ERC2: variants seen among roughly 807,000 people sequenced by gnomAD.
The protein encoded by ERC2 is ERC protein 2.
Under a neutral mutation model 114.8 loss-of-function variants are expected in ERC2, and 42 were observed. That is an observed-to-expected ratio of 0.37 (90% CI 0.29 to 0.47). The LOEUF (loss-of-function observed/expected upper bound fraction) is 0.47. Among genes scored for constraint, ERC2 ranks in the 20% least tolerant of loss-of-function variants. The pLI, the probability that ERC2 is intolerant of heterozygous loss-of-function variation, is 0.99. For missense variants in ERC2, 939 were observed against 1,150.7 expected, an observed-to-expected ratio of 0.82 and a Z score of 2.66; for synonymous variants, 454 against 425.5, an observed-to-expected ratio of 1.07 and a Z score of -0.82.
chr3:55,802,230 TCA>T (rs2071120032), intron 14 of ERC2, among the ~76,000 whole-genome samples: 2 of 152,250 alleles, frequency 1.3e-5, no homozygotes, highest in African/African-American at 2.4e-5. Context: ...ACTGCCTGTA[TCA>T]CATTTAATTA....
At chr3:55,713,313 C>A (rs2063891897) in intron 15 of ERC2, among the ~76,000 whole-genome samples, 1 of 152,062 alleles carries the variant, frequency 6.6e-6, no homozygotes, top group East Asian at 1.9e-4. Context: ...CAGGTTCAAG[C>A]AATTCTCCTG....
intron 14 of ERC2, among the ~76,000 whole-genome samples, chr3:55,849,855 C>A (rs2149237873): frequency 6.6e-6 from 1 of 152,246 alleles, no homozygotes; most frequent in East Asian, 1.9e-4. Flanking sequence ...TTAAAAACAA[C>A]AACAATAATA....
chr3:56,142,536 A>G (rs2080916158), intron 5 of ERC2, among the ~76,000 whole-genome samples: 1 of 152,030 alleles, frequency 6.6e-6, no homozygotes, highest in African/African-American at 2.4e-5. Context: ...GGATGTTTAT[A>G]CTAATTTTCA....
intron 14 of ERC2, among the ~76,000 whole-genome samples, chr3:55,856,440 C>T (rs1331832323): frequency 3.3e-5 from 5 of 152,098 alleles, no homozygotes; most frequent in African/African-American, 7.2e-5. Context: ...TTCTGAGCAC[C>T]GGAGATATAG....
At chr3:55,710,396 T>C (rs2063718900) in intron 15 of ERC2, among the ~76,000 whole-genome samples, 1 of 152,162 alleles carries the variant, frequency 6.6e-6, no homozygotes, top group South Asian at 2.1e-4. Flanking sequence ...TGTGAATCTG[T>C]GTGTGAATCT....
rs185508164 is a variant in ERC2 at position 56,341,143 on chromosome 3, C to T, written c.658-44708G>A. ...AATTAAAACAGATTTGCAATTAATA[C>T]TTAATGTGACAGGTCATGGTTATTT... On this transcript the variant is annotated intron_variant, in intron 2 of 17. Transcript: ENST00000288221. 1.3e-3 allele frequency among the ~76,000 whole-genome samples: 202 copies of T among 152,272 alleles called. 1 individual carries two copies. Among genetic ancestry groups the T allele is most frequent in the African/African-American group, 4.4e-3 (184 of 41,540 alleles).
intron 14 of ERC2, among the ~76,000 whole-genome samples, chr3:55,762,582 G>A (rs1261410643): frequency 6.6e-6 from 1 of 152,088 alleles, no homozygotes; most frequent in Non-Finnish European, 1.5e-5. Context: ...TTGTAAGCTA[G>A]TTAGTTGGGT....
chr3:55,857,257 T>C (rs1055962107), intron 14 of ERC2, among the ~76,000 whole-genome samples: 2 of 152,142 alleles, frequency 1.3e-5, no homozygotes, highest in Non-Finnish European at 2.9e-5. Flanking sequence ...ATTTAGCTAA[T>C]GTGGTCAGAA....
At chr3:55,881,793 A>T (rs2149306057) in intron 14 of ERC2, among the ~76,000 whole-genome samples, 1 of 152,334 alleles carries the variant, frequency 6.6e-6, no homozygotes, top group Admixed American at 6.5e-5. Flanking sequence ...TTCCTTTAAA[A>T]TAGGAGTAAA....
chr3:55,608,898 G>A (rs1285360412), intron 17 of ERC2, among the ~76,000 whole-genome samples: 1 of 152,186 alleles, frequency 6.6e-6, no homozygotes, highest in Non-Finnish European at 1.5e-5. Flanking sequence ...TGGACTAGCA[G>A]GGTGGGTTGT....
At chr3:56,436,236 C>T (rs147321742) in intron 1 of ERC2, among the ~76,000 whole-genome samples, 117 of 152,212 alleles carry the variant, frequency 7.7e-4, no homozygotes, top group African/African-American at 2.5e-3. Context: ...GCTGAGTAAC[C>T]TTAGACAAAT....
chr3:55,610,506 A>AACACACACACACACACACACACACAC (rs1162337654), intron 17 of ERC2: 1 of 137,238 alleles, frequency 7.3e-6, no homozygotes, highest in Non-Finnish European at 1.5e-5. Flanking sequence ...TCTACGGAAA[A>AACACACACACACACACACACACACAC]ACACACACAC....
chr3:55,635,176 C>A (rs1361489527), intron 17 of ERC2, among the ~76,000 whole-genome samples: 1 of 152,076 alleles, frequency 6.6e-6, no homozygotes, highest in Non-Finnish European at 1.5e-5. Context: ...AGCCACCGTG[C>A]CCGGCCTATT....
chr3:56,202,500 G>GATTT (rs1240913539), intron 3 of ERC2, among the ~76,000 whole-genome samples: 1 of 86,466 alleles, frequency 1.2e-5, no homozygotes, highest in African/African-American at 3.7e-5. Context: ...CTAAACTCAA[G>GATTT]CTTTTTTTTT....
At chr3:56,311,819 ATGTGTGTGTGTGTGTG>A (rs10536094) in intron 2 of ERC2, among the ~76,000 whole-genome samples, 17 of 142,962 alleles carry the variant, frequency 1.2e-4, no homozygotes, top group Admixed American at 1.1e-3. Context: ...ATACATATAA[ATGTGTGTGTGTGTGTG>A]TGTGTGTGTG....
At chr3:56,221,538 C>T (rs1011154560) in intron 3 of ERC2, among the ~76,000 whole-genome samples, 4 of 152,162 alleles carry the variant, frequency 2.6e-5, no homozygotes, top group African/African-American at 9.7e-5. Flanking sequence ...AGGTTATGAA[C>T]TTGCCCAAAG....
At chr3:55,958,119 C>T (rs748434526) in intron 12 of ERC2, among the ~76,000 whole-genome samples, 5 of 152,164 alleles carry the variant, frequency 3.3e-5, no homozygotes, top group Non-Finnish European at 7.3e-5. Flanking sequence ...AGTGACAGAA[C>T]GGCTCTCAGG....
chr3:56,061,561 T>C (rs1347997117), intron 7 of ERC2, among the ~76,000 whole-genome samples: 2 of 152,088 alleles, frequency 1.3e-5, no homozygotes, highest in African/African-American at 2.4e-5. Context: ...AAGAAAAAAA[T>C]ATTTAGCTTA....
At chr3:55,546,274 C>T (rs2054744506) in intron 17 of ERC2, among the ~76,000 whole-genome samples, 1 of 152,186 alleles carries the variant, frequency 6.6e-6, no homozygotes, top group South Asian at 2.1e-4. Flanking sequence ...TACCTCCAGG[C>T]CTTTGCCTTC....
Sources: allele counts gnomAD v4.1 joint callset (sites outside exome capture counted in the v4.1 genomes callset), GRCh38; gene constraint gnomAD v4.1.1; transcripts MANE v1.5; gene names NCBI Gene and HGNC (gene_info 2026-07-23, HGNC 2026-07-21).